The following TTN variants were observed in gnomAD, a reference collection of about 807,000 sequenced individuals.
The protein encoded by TTN is connectin.
A neutral mutation model predicts 3,223.0 loss-of-function variants in TTN; 1,525 were observed. That is an observed-to-expected ratio of 0.47 (90% CI 0.45 to 0.49). The LOEUF is 0.49. Among genes scored for constraint, TTN ranks in the 20% least tolerant of loss-of-function variants. The pLI, the probability that TTN is intolerant of heterozygous loss-of-function variation, is 0.00. For synonymous variants in TTN, 14,094 were observed against 15,161.0 expected (o/e 0.93, Z 5.17); for missense variants, 40,786 against 43,424.0 (o/e 0.94, Z 5.40).
Position 178,531,986 on chromosome 2 carries a change from G to A in TTN, c.104629C>T (p.Pro34877Ser), listed in dbSNP as rs1377624313. ...CGTGGGCGAGTTCTCTCTGGAGTAG[G>A]TGACCTTCTTTCTGTGTCATCTTCG... ...EYEDDTERRS[P>S]TPERTRPRSP... Residue 34877 changes from proline (P) to serine (S), a missense_variant, in exon 358 of 363, where the codon CCT becomes TCT. By Grantham distance (74) the Pro-to-Ser change is moderately conservative. Transcript: ENST00000589042. 3 of 1,613,782 alleles carry A rather than the reference G, an allele frequency of 1.9e-6. No homozygotes were observed. The highest frequency in any genetic ancestry group is 8.5e-7 in the Non-Finnish European group (1 of 1,179,840).
intron 336 of TTN, chr2:178,550,564 A>G: frequency 2.3e-6 from 1 of 428,178 alleles, no homozygotes; most frequent in South Asian, 3.1e-5. Flanking sequence ...ATACTGCTGC[A>G]CAGTCACACA....
Position 178,775,573 on chromosome 2 carries a change from G to C in TTN, c.6291C>G (p.Phe2097Leu). 2 of 1,614,046 alleles carry C rather than the reference G, an allele frequency of 1.2e-6. No individual in the cohort carries two copies. Among genetic ancestry groups the C allele is most frequent in the Middle Eastern group, 1.6e-4 (1 of 6,062 alleles). ...CTGGTTTCCCCACGACTCTGACCCG[G>C]AAGTGTGCATCAGATCCTTGGCCCA... ...QTVGQGSDAH[F>L]RVRVVGKPDP... Residue 2097 changes from phenylalanine to leucine, a missense_variant, in exon 28 of 363, where the codon TTC becomes TTG. Physicochemically the swap from Phe to Leu is conservative, Grantham distance 22. Transcript: ENST00000589042.
intron 125 of TTN, 59 bp downstream of exon 125, chr2:178,688,994 C>T (rs2071600059): frequency 2.0e-6 from 3 of 1,516,768 alleles, no homozygotes; most frequent in Admixed American, 1.8e-5. Flanking sequence ...GAATTTAACA[C>T]ACTCGAAGAT....
intron 210 of TTN, 39 bp downstream of exon 210, chr2:178,650,125 A>G (rs1301448234): frequency 1.3e-6 from 2 of 1,505,834 alleles, no homozygotes; most frequent in Non-Finnish European, 1.8e-6. Flanking sequence ...GAAAAATGAA[A>G]TGACTGTATT....
At chr2:178,582,231 T>G in intron 314 of TTN, 23 bp from the exon 315 acceptor site, 3 of 1,585,194 alleles carry the variant, frequency 1.9e-6, no homozygotes, top group Non-Finnish European at 2.6e-6. Context: ...ATTGAAAAGT[T>G]AATTTCCCAG....
Position 178,589,092 on chromosome 2 carries a change from C to G in TTN, c.62633G>C (p.Ser20878Thr). 1.2e-6 allele frequency: 2 copies of G among 1,610,462 alleles called. No individual in the cohort carries two copies. Among genetic ancestry groups the G allele is most frequent in the South Asian group, 1.1e-5 (1 of 91,070 alleles). Reference sequence around the variant, plus strand: ...ATCCCAGCAAACAGTACACCTATCACTGGACACATCAACAATTTTCAGATT... The same window carrying G: ...ATCCCAGCAAACAGTACACCTATCAGTGGACACATCAACAATTTTCAGATT... ...VRNLKIVDVS[S>T]DRCTVCWDPP... The change falls in exon 304 of 363, where the codon AGT becomes ACT. Residue 20878 changes from serine (S) to threonine (T), a missense_variant. Ser to Thr is a moderately conservative substitution (Grantham distance 58). Transcript: ENST00000589042.
Position 178,673,595 on chromosome 2 carries a change from G to A in TTN, c.34786+38C>T, listed in dbSNP as rs76061358. On this transcript the variant is annotated intron_variant, in intron 152 of 362. Coordinates refer to ENST00000589042, the MANE Select transcript of TTN (RefSeq NM_001267550.2). ...GTTGCTTTTAAGAAAGAAAATTAAT[G>A]GGAAGTTAAAGATATTAATAATGAG... 7.7e-4 allele frequency: 1,123 copies of A among 1,455,084 alleles called. 6 individuals are homozygous for A. The East Asian group carries it at 0.016, about 20-fold the overall frequency. 90.1% of individuals were successfully genotyped at this position (1,455,084 alleles called of 1,614,324 possible).
At chr2:178,616,398 G>A in intron 257 of TTN, 81 bp downstream of exon 257, 3 of 1,568,086 alleles carry the variant, frequency 1.9e-6, no homozygotes, top group South Asian at 2.4e-5. Flanking sequence ...TAGCACATAA[G>A]ACTTTTGTAT....
At position 178,586,570 on chromosome 2, in the gene TTN, C is replaced by A. The variant is rs775693601; in HGVS notation, c.64331G>T (p.Arg21444Ile). 1 of 1,613,274 alleles carries A rather than the reference C, an allele frequency of 6.2e-7. No individual in the cohort carries two copies. Among genetic ancestry groups the A allele is most frequent in the East Asian group, 2.2e-5 (1 of 44,770 alleles). Residue 21444 changes from arginine (R) to isoleucine (I), a missense_variant, in exon 308 of 363, where the codon AGA becomes ATA. Transcript: ENST00000589042. ...GKKYKFRVAA[R>I]NAVGVSLPRE... ...TGGCAAACTGACTCCAACAGCATTT[C>A]TGGCCGCTACTCTAAATTTGTATTT...
At chr2:178,735,309 T>C (rs1048248581) in intron 50 of TTN, among the ~76,000 whole-genome samples, 59 of 152,248 alleles carry the variant, frequency 3.9e-4, no homozygotes, top group African/African-American at 1.2e-3. Context: ...GCAGACAATT[T>C]AAAAGAACAA....
rs755778487 is a variant in TTN at position 178,674,344 on chromosome 2, C to T, written c.34678G>A (p.Glu11560Lys). 8.1e-6 allele frequency: 13 copies of T among 1,600,824 alleles called. No individual in the cohort carries two copies. The highest frequency in any genetic ancestry group is 7.7e-6 in the Non-Finnish European group (9 of 1,172,486). The change falls in exon 151 of 363, where the codon GAG becomes AAG. Residue 11560 changes from glutamate to lysine, a missense_variant. Coordinates refer to ENST00000589042, the MANE Select transcript of TTN (RefSeq NM_001267550.2). ...EEIPEEPPSI[E>K]EVEEVAPPRV... ...GGTGGTGCCACCTCTTCAACTTCCT[C>T]TATGCTAGGTGGTTCTTCTGGGATT... is the stretch of plus-strand genomic sequence containing the variant.
rs1207669528 is a variant in TTN, at chr2:178,710,816, C to A, written c.28281G>T (p.Lys9427Asn). 4 of 1,613,760 alleles carry A rather than the reference C, an allele frequency of 2.5e-6. No homozygotes were observed. Among genetic ancestry groups the A allele is most frequent in the Non-Finnish European group, 3.4e-6 (4 of 1,179,842 alleles). ...ECHVTGTQPI[K>N]VSWAKDSREI... ...CTCTGCTGTCTTTGGCCCAGCTGAC[C>A]TTTATCGGTTGTGTGCCCGTGACGT... The change falls in exon 98 of 363, where the codon AAG (lysine) becomes AAT (asparagine). Residue 9427 changes from lysine (K) to asparagine (N), a missense_variant. Physicochemically the swap from Lys to Asn is moderately conservative, Grantham distance 94. Transcript: ENST00000589042.
chr2:178,642,270 G>T lies in TTN; in HGVS notation c.40525C>A (p.Pro13509Thr). ...KVRKLLPERK[P>T]EPKEEVVLKS... ...AGAACAACTTCTTCCTTTGGTTCAG[G>T]TTTACGTTCCGGAAGTAATTTGCGA... Residue 13509 changes from proline to threonine, a missense_variant, in exon 219 of 363, where the codon CCT (proline) becomes ACT (threonine). Physicochemically the swap from Pro to Thr is conservative, Grantham distance 38. Coordinates refer to ENST00000589042, the MANE Select transcript of TTN (RefSeq NM_001267550.2). 3 of 1,596,206 alleles carry T rather than the reference G, an allele frequency of 1.9e-6. No individual in the cohort carries two copies. The highest frequency in any genetic ancestry group is 2.3e-5 in the East Asian group (1 of 44,208).
Position 178,663,804 on chromosome 2 carries a change from G to C in TTN, c.36448+15C>G, listed in dbSNP as rs368164089. 5.1e-5 allele frequency: 82 copies of C among 1,611,396 alleles called. No individual in the cohort carries two copies. In the African/African-American group the frequency reaches 1.1e-3, roughly 21 times the overall value. Reference sequence around the variant, plus strand: ...AAAAGAATGAGATCTGAAGCCTAAGGTCAGTGGCAACTACCTTTAACAGGT... The same window carrying C: ...AAAAGAATGAGATCTGAAGCCTAAGCTCAGTGGCAACTACCTTTAACAGGT... On this transcript the variant is annotated intron_variant, in intron 170 of 362. Transcript: ENST00000589042.
chr2:178,532,171 A>G lies in TTN; in HGVS notation c.104444T>C (p.Ile34815Thr), dbSNP rs908034780. The G allele has an allele frequency of 3.7e-6, 6 of 1,613,418 alleles. No homozygotes were observed. In the African/African-American group the frequency reaches 5.3e-5, roughly 14 times the overall value. Residue 34815 changes from isoleucine to threonine, a missense_variant, in exon 358 of 363, where the codon ATT (isoleucine) becomes ACT (threonine). Ile to Thr is a moderately conservative substitution (Grantham distance 89). Transcript: ENST00000589042. ...TTTTGAGATTTCGTATTCTTCCTCA[A>G]TTTCTGTTATTTCTGTCACTTCTCT... The part of the protein sequence containing the change: ...RQREVTEITE[I>T]EEEYEISKHA...
chr2:178,615,870 T>C (rs147686290), intron 257 of TTN, 82 bp from the exon 258 acceptor site: 3 of 1,435,500 alleles, frequency 2.1e-6, no homozygotes, highest in East Asian at 2.4e-5. Context: ...TGACCAGGGA[T>C]ACAAACTGCA....
chr2:178,548,122 C>A lies in TTN; in HGVS notation c.93504G>T (p.Gln31168His). 6.2e-7 allele frequency: 1 copy of A among 1,613,870 alleles called. No homozygotes were observed. The highest frequency in any genetic ancestry group is 1.1e-5 in the South Asian group (1 of 91,088). The stretch of plus-strand genomic sequence containing the variant: ...CAAGACGCTCTACTGTGAAAGTTAG[C>A]TGTTTGGTGTGACCAGCTTCAACCC... ...DFWVEAGHTK[Q>H]LTFTVERLVE... Residue 31168 changes from glutamine (Q) to histidine (H), a missense_variant, in exon 339 of 363, where the codon CAG becomes CAT. Coordinates refer to ENST00000589042, the MANE Select transcript of TTN (RefSeq NM_001267550.2). The surrounding 1 kb of genome is among the most constrained non-coding windows in gnomAD (Gnocchi z 4.3).
At position 178,730,518 on chromosome 2, in the gene TTN, A is replaced by T. The variant is rs1213230929; in HGVS notation, c.18015T>A (p.His6005Gln). 3 of 1,603,218 alleles carry T rather than the reference A, an allele frequency of 1.9e-6. No individual in the cohort carries two copies. Among genetic ancestry groups the T allele is most frequent in the South Asian group, 1.1e-5 (1 of 89,946 alleles). The change falls in exon 61 of 363, where the codon CAT (histidine) becomes CAA (glutamine). Residue 6005 changes from histidine to glutamine, a missense_variant. Physicochemically the swap from His to Gln is conservative, Grantham distance 24 (BLOSUM62 0). Coordinates refer to ENST00000589042, the MANE Select transcript of TTN (RefSeq NM_001267550.2). ...AAATTTGCCAACCTTTGACTGTCAG[A>T]TGCCCACTGCATTGGTTGTGCCCTG... ...NKAGHNQCSG[H>Q]LTVKEPPYFV...
rs727504795 is a variant in TTN at position 178,794,485 on chromosome 2, C to T, written c.1312G>A (p.Val438Met). The change falls in exon 8 of 363, where the codon GTG (valine) becomes ATG (methionine). Residue 438 changes from valine to methionine, a missense_variant. Transcript: ENST00000589042. ...TVVAAVDMAR[V>M]REPVISAVEQ... ...ACAGCGCTGATCACTGGTTCTCTCA[C>T]TCTGGCCATATCAACGGCAGCAACA... The T allele has an allele frequency of 1.2e-6, 2 of 1,614,088 alleles. No individual in the cohort carries two copies. Among genetic ancestry groups the T allele is most frequent in the Non-Finnish European group, 1.7e-6 (2 of 1,180,028 alleles).
Sources: gnomAD v4.1 joint callset for allele counts (sites outside exome capture counted in the v4.1 genomes callset) on GRCh38, gnomAD v4.1.1 for gene constraint, Gnocchi (gnomAD v3.1) non-coding constraint, MANE v1.5 for transcripts, NCBI Gene and HGNC (gene_info 2026-07-23, HGNC 2026-07-21) for gene names.